The following KIF26B variants were observed in gnomAD, a reference collection of about 807,000 sequenced individuals.
KIF26B encodes the protein kinesin family member 26B, also known as kinesin-like protein KIF26B.
KIF26B carries 63 observed loss-of-function variants against 151.2 expected under a neutral mutation model. That is an observed-to-expected ratio of 0.42 (90% CI 0.34 to 0.51). The LOEUF (loss-of-function observed/expected upper bound fraction) is 0.51. KIF26B is among the 20% of genes least tolerant of loss of function. KIF26B has a pLI of 0.07. For missense variants in KIF26B, 2,813 were observed against 2,913.6 expected (o/e 0.97, Z 0.79); for synonymous variants, 1,357 against 1,262.1 (o/e 1.08, Z -1.59).
chr1:245,602,462 T>C lies in KIF26B; in HGVS notation c.1351-115T>C, dbSNP rs976094614. ...TCACTGTGCATTTCATCATAATTTA[T>C]CCTGAGAAAGTTCAGTGCTGCCATG... On this transcript the variant is annotated intron_variant, in intron 5 of 14. Coordinates refer to ENST00000407071, the MANE Select transcript of KIF26B (RefSeq NM_018012.4). This position sits in a 1 kb window ranked among gnomAD's most constrained non-coding sequence, Gnocchi z 4.5. The C allele has an allele frequency of 1.3e-5, 10 of 756,388 alleles. No individual in the cohort carries two copies. The highest frequency in any genetic ancestry group is 2.3e-5 in the Admixed American group (1 of 44,134). The allele number at this position is 756,388 out of a possible 1,614,324, so 46.9% of individuals were successfully genotyped here. A position where few individuals can be genotyped will look rare whatever the true frequency, so the allele number is the denominator to read the frequency against.
chr1:245,578,335 T>C (rs1015587614), intron 5 of KIF26B, among the ~76,000 whole-genome samples: 6 of 152,232 alleles, frequency 3.9e-5, no homozygotes, highest in Admixed American at 1.3e-4. Context: ...CTCAGCCAGG[T>C]AGACATCAGC....
At position 245,209,883 on chromosome 1, in the gene KIF26B, G is replaced by A. The variant is rs950665916; in HGVS notation, c.465+53200G>A. Among the ~76,000 whole-genome samples, 23 of 152,360 alleles carry A rather than the reference G, an allele frequency of 1.5e-4. No homozygotes were observed. In the South Asian group the frequency reaches 1.9e-3, roughly 12 times the overall value. ...CAGGGGACTCAGCTGCGGGTGGCAC[G>A]CTCGGCGTGCAAGGCATTTGCTTAC... is the stretch of plus-strand genomic sequence containing the variant. On this transcript the variant is annotated intron_variant, in intron 2 of 14. Transcript: ENST00000407071.
intron 2 of KIF26B, among the ~76,000 whole-genome samples, chr1:245,181,599 G>A (rs896301495): frequency 2.0e-5 from 3 of 152,042 alleles, no homozygotes; most frequent in Admixed American, 6.6e-5. Flanking sequence ...GGCCATGTTC[G>A]GAAAGGACCT....
rs33985183 is a variant in KIF26B, at chr1:245,167,184, TTG to T, written c.465+10503_465+10504del. Among the ~76,000 whole-genome samples the T allele has an allele frequency of 0.013, 1,975 of 151,328 alleles. 49 individuals carry two copies. The highest frequency in any genetic ancestry group is 0.045 in the African/African-American group (1,839 of 41,008). On this transcript the variant is annotated intron_variant, in intron 2 of 14. Transcript: ENST00000407071. The surrounding 1 kb of genome is among the most constrained non-coding windows in gnomAD (Gnocchi z 4.2). ...ACGTGTAAACTTTCTTTTTATATAA[TTG>T]TTTTTTTTTTTGCTTGAAAGCATGA...
intron 4 of KIF26B, among the ~76,000 whole-genome samples, chr1:245,456,080 T>G (rs1659511694): frequency 6.6e-6 from 1 of 152,220 alleles, no homozygotes; most frequent in African/African-American, 2.4e-5. Flanking sequence ...GTGTGTTACC[T>G]TCTCATCTTT....
chr1:245,429,350 T>C (rs1359673649), intron 4 of KIF26B, among the ~76,000 whole-genome samples: 1 of 152,206 alleles, frequency 6.6e-6, no homozygotes, highest in Non-Finnish European at 1.5e-5. Context: ...CCCTTTGTTA[T>C]CTGTCTAACG....
chr1:245,472,858 T>G (rs1314983583), intron 4 of KIF26B, among the ~76,000 whole-genome samples: 1 of 152,242 alleles, frequency 6.6e-6, no homozygotes, highest in Non-Finnish European at 1.5e-5. Flanking sequence ...ATCATTTATG[T>G]GTCTGTCTCT....
At chr1:245,171,247 A>T (rs1332940966) in intron 2 of KIF26B, among the ~76,000 whole-genome samples, 1 of 152,228 alleles carries the variant, frequency 6.6e-6, no homozygotes, top group Non-Finnish European at 1.5e-5. Flanking sequence ...CATCGTCTTT[A>T]ATAATTCTTA....
At chr1:245,619,907 C>T (rs2043640095) in intron 9 of KIF26B, among the ~76,000 whole-genome samples, 1 of 151,800 alleles carries the variant, frequency 6.6e-6, no homozygotes, top group East Asian at 1.9e-4. Flanking sequence ...GGCAAGACTC[C>T]ATCTCAAAAA....
chr1:245,189,874 T>C (rs1014616848), intron 2 of KIF26B, among the ~76,000 whole-genome samples: 4 of 151,972 alleles, frequency 2.6e-5, no homozygotes, highest in Non-Finnish European at 4.4e-5. Context: ...TGGTGGAAGG[T>C]GAAAGTCACG....
At chr1:245,383,690 G>T (rs1028676130) in intron 3 of KIF26B, among the ~76,000 whole-genome samples, 1 of 152,182 alleles carries the variant, frequency 6.6e-6, no homozygotes, top group African/African-American at 2.4e-5. Context: ...TCCATTAGGA[G>T]GTAGGAGAAG....
chr1:245,377,288 G>A lies in KIF26B; in HGVS notation c.999+9921G>A, dbSNP rs538845641. 2.3e-4 allele frequency among the ~76,000 whole-genome samples: 35 copies of A among 152,320 alleles called. No individual in the cohort carries two copies. The Middle Eastern group carries it at 0.014, about 59-fold the overall frequency. ...CAAGTCTGAAATCAAGGTGTCGGCC[G>A]TGCTGTGCTTCCTCTGAAGGCCCCA... On this transcript the variant is annotated intron_variant, in intron 3 of 14. Transcript: ENST00000407071.
At chr1:245,532,628 C>T (rs1661399762) in intron 4 of KIF26B, among the ~76,000 whole-genome samples, 1 of 152,138 alleles carries the variant, frequency 6.6e-6, no homozygotes, top group Non-Finnish European at 1.5e-5. Flanking sequence ...ATAACAGTGC[C>T]TGGCTGTAGT....
At chr1:245,262,493 G>C (rs538014091) in intron 2 of KIF26B, among the ~76,000 whole-genome samples, 4 of 151,696 alleles carry the variant, frequency 2.6e-5, no homozygotes, top group Admixed American at 6.6e-5. Flanking sequence ...CGCTATTGTT[G>C]CTCTGGCTGG....
chr1:245,647,969 G>A (rs576918783), intron 10 of KIF26B, among the ~76,000 whole-genome samples: 15 of 152,274 alleles, frequency 9.9e-5, no homozygotes, highest in Admixed American at 7.2e-4. Flanking sequence ...AGTTTCATTC[G>A]ATGTCATTTC....
At chr1:245,546,942 C>T (rs900659737) in intron 5 of KIF26B, among the ~76,000 whole-genome samples, 1 of 152,244 alleles carries the variant, frequency 6.6e-6, no homozygotes, top group Admixed American at 6.5e-5. Flanking sequence ...AGCCTTCCTT[C>T]AACCGATACC....
intron 9 of KIF26B, among the ~76,000 whole-genome samples, chr1:245,626,945 C>T (rs1185584167): frequency 6.6e-6 from 1 of 152,090 alleles, no homozygotes; most frequent in African/African-American, 2.4e-5. Context: ...CACCCTTCTG[C>T]TTATGGATAT....
rs375582542 is a variant in KIF26B, at chr1:245,172,506, A to G, written c.465+15823A>G. The stretch of plus-strand genomic sequence containing the variant: ...AAGAAATGCAGCATTGACAGACAGG[A>G]GGTGTCCAAAGTGGGTGGCCCAGCT... On this transcript the variant is annotated intron_variant, in intron 2 of 14. Transcript: ENST00000407071. Among the ~76,000 whole-genome samples, 43 of 152,226 alleles carry G rather than the reference A, an allele frequency of 2.8e-4. No individual in the cohort carries two copies. The Middle Eastern group carries it at 0.01, about 36-fold the overall frequency.
chr1:245,329,426 G>A (rs961761004), intron 2 of KIF26B, among the ~76,000 whole-genome samples: 6 of 152,210 alleles, frequency 3.9e-5, no homozygotes, highest in East Asian at 1.9e-4. Context: ...CTGCAGCTCC[G>A]GAGCTCCACC....
Sources: gnomAD v4.1 joint callset for allele counts (sites outside exome capture counted in the v4.1 genomes callset) on GRCh38, gnomAD v4.1.1 for gene constraint, Gnocchi (gnomAD v3.1) non-coding constraint, MANE v1.5 for transcripts, NCBI Gene and HGNC (gene_info 2026-07-23, HGNC 2026-07-21) for gene names.